Variants in CFAP44 observed in about 807,000 individuals in gnomAD.
The protein encoded by CFAP44 is cilia- and flagella-associated protein 44.
Under a neutral mutation model 216.2 loss-of-function variants are expected in CFAP44, and 134 were observed. The ratio of observed to expected loss-of-function variants is 0.62; its 90% CI spans 0.54 to 0.72. CFAP44 has a LOEUF of 0.72. Ranked by LOEUF, CFAP44 falls within the 30% of genes least tolerant of loss-of-function variation. CFAP44 has a pLI of 0.00. For missense variants in CFAP44, 2,035 were observed against 2,182.1 expected, an observed-to-expected ratio of 0.93 and a Z score of 1.34; for synonymous variants, 700 against 727.6, an observed-to-expected ratio of 0.96 and a Z score of 0.61.
intron 28 of CFAP44, among the ~76,000 whole-genome samples, chr3:113,311,354 G>A (rs1245958635): frequency 6.6e-6 from 1 of 152,202 alleles, no homozygotes; most frequent in East Asian, 1.9e-4. Context: ...GGGACCTGGT[G>A]GGAAATAATT....
At chr3:113,434,560 A>G (rs1935190353) in intron 1 of CFAP44, 1 of 152,200 alleles carries the variant, frequency 6.6e-6, no homozygotes. Flanking sequence ...CCCTCTGTCT[A>G]TAATGCAGCT....
intron 24 of CFAP44, among the ~76,000 whole-genome samples, chr3:113,337,373 A>C (rs1170364377): frequency 6.6e-6 from 1 of 152,108 alleles, no homozygotes; most frequent in East Asian, 1.9e-4. Flanking sequence ...AAAGATACAA[A>C]TTCTCCCCAA....
chr3:113,334,689 G>A (rs910639157), intron 24 of CFAP44, among the ~76,000 whole-genome samples: 2 of 151,990 alleles, frequency 1.3e-5, no homozygotes, highest in Admixed American at 1.3e-4. Context: ...TAAACCAGTT[G>A]GGCCCTCCCA....
chr3:113,303,964 G>GTC lies in CFAP44; in HGVS notation c.5027_5028dup (p.Arg1677AspfsTer12), dbSNP rs1367951448. 6.5e-7 allele frequency: 1 copy of GTC among 1,537,544 alleles called. No homozygotes were observed. Among genetic ancestry groups the GTC allele is most frequent in the Non-Finnish European group, 8.7e-7 (1 of 1,147,008 alleles). ...CTCTTTTCTCGGATGAGCTGTTTAC[G>GTC]TCTCTCTCTCCATTCTTTGTTAAGT... On this transcript the variant is annotated frameshift_variant, in exon 32 of 35. Transcript: ENST00000393845. LOFTEE classifies it high-confidence loss of function.
chr3:113,419,922 T>C, intron 5 of CFAP44, 95 bp downstream of exon 5: 7 of 1,298,776 alleles, frequency 5.4e-6, no homozygotes, highest in East Asian at 2.3e-5. Context: ...ATACTGTGCA[T>C]GGTGTTGGCA....
At chr3:113,439,744 C>T (rs1046027381) in intron 1 of CFAP44, among the ~76,000 whole-genome samples, 1 of 152,156 alleles carries the variant, frequency 6.6e-6, no homozygotes, top group Admixed American at 6.5e-5. Flanking sequence ...AGAAGGTTGG[C>T]TAGACGCCAG....
rs1457217745 is a variant in CFAP44 at position 113,330,540 on chromosome 3, G to A, written c.3744C>T (p.Ser1248=). The change falls in exon 26 of 35, where the codon TCC becomes TCT. Residue 1248 remains serine (S), a synonymous_variant. Coordinates refer to ENST00000393845, the MANE Select transcript of CFAP44 (RefSeq NM_001164496.2). ...GAATTTTGGGAATGGGTATGTGCTT[G>A]GATATGTGAAGAGTCGACTGAATGT... ...LKNIQSTLHI[S]KHIPIPKIPQ... is the part of the protein sequence containing the mutation. The A allele has an allele frequency of 3.9e-6, 6 of 1,537,086 alleles. No homozygotes were observed. The highest frequency in any genetic ancestry group is 1.4e-5 in the African/African-American group (1 of 73,018).
At position 113,288,101 on chromosome 3, in the gene CFAP44, C is replaced by T. The variant is rs1949792233; in HGVS notation, c.*3456G>A. 1 of 152,132 alleles carries T rather than the reference C, an allele frequency of 6.6e-6. No homozygotes were observed. Among genetic ancestry groups the T allele is most frequent in the African/African-American group, 2.4e-5 (1 of 41,426 alleles). 9.4% of individuals were successfully genotyped at this position (152,132 alleles called of 1,614,324 possible). The stretch of plus-strand genomic sequence containing the variant: ...AGAGGGTGGGGGGAGCCTGTATTTT[C>T]TAGATTTCTGTAAAATTGAGTTACA... On this transcript the variant is annotated 3_prime_UTR_variant, in exon 35 of 35. Coordinates refer to ENST00000393845, the MANE Select transcript of CFAP44 (RefSeq NM_001164496.2).
At chr3:113,354,703 C>A (rs1390803542) in intron 22 of CFAP44, among the ~76,000 whole-genome samples, 1 of 152,168 alleles carries the variant, frequency 6.6e-6, no homozygotes, top group Non-Finnish European at 1.5e-5. Flanking sequence ...TCTCTACCTA[C>A]CCTGGTAGCT....
At chr3:113,318,256 T>C (rs1428009808) in intron 28 of CFAP44, among the ~76,000 whole-genome samples, 1 of 151,990 alleles carries the variant, frequency 6.6e-6, no homozygotes, top group Non-Finnish European at 1.5e-5. Context: ...AAAACCGAAC[T>C]CCTAGAGCTA....
intron 12 of CFAP44, 138 bp downstream of exon 12, chr3:113,400,407 A>G: frequency 1.6e-6 from 1 of 641,182 alleles, no homozygotes; most frequent in Non-Finnish European, 2.4e-6. Flanking sequence ...TCCTCTCCAC[A>G]GCTCAACTCG....
At chr3:113,312,418 A>C (rs1443302392) in intron 28 of CFAP44, among the ~76,000 whole-genome samples, 2 of 151,950 alleles carry the variant, frequency 1.3e-5, no homozygotes, top group African/African-American at 4.8e-5. Context: ...AACAGAGCAT[A>C]AAAGTTTGGA....
In CFAP44 at chr3:113,326,599, CTTT is replaced by C; in HGVS notation, c.4359_4361del (p.Lys1454del). 1 of 1,524,442 alleles carries C rather than the reference CTTT, an allele frequency of 6.6e-7. No homozygotes were observed. The highest frequency in any genetic ancestry group is 1.2e-5 in the South Asian group (1 of 80,024). The allele number at this position is 1,524,442 out of a possible 1,614,324, so 94.4% of individuals were successfully genotyped here. A position where few individuals can be genotyped will look rare whatever the true frequency, so the allele number is the denominator to read the frequency against. ...GCTCCTGGAGTTTGGTGATTTCATT[CTTT>C]TTCTCTTCCATCTCTTTAAGAGTTT... On this transcript the variant is annotated inframe_deletion, in exon 28 of 35. Coordinates refer to ENST00000393845, the MANE Select transcript of CFAP44 (RefSeq NM_001164496.2).
At chr3:113,374,623 T>G (rs1187583530) in intron 17 of CFAP44, among the ~76,000 whole-genome samples, 1 of 152,018 alleles carries the variant, frequency 6.6e-6, no homozygotes, top group African/African-American at 2.4e-5. Flanking sequence ...GTGGGAACAA[T>G]CCAAGTGTCT....
intron 28 of CFAP44, among the ~76,000 whole-genome samples, chr3:113,321,604 T>C (rs1950146856): frequency 6.6e-6 from 1 of 152,240 alleles, no homozygotes; most frequent in African/African-American, 2.4e-5. Flanking sequence ...GATATGATTC[T>C]ATACTTAGAA....
At chr3:113,299,566 A>G (rs1177300549) in intron 32 of CFAP44, among the ~76,000 whole-genome samples, 1 of 152,226 alleles carries the variant, frequency 6.6e-6, no homozygotes, top group Non-Finnish European at 1.5e-5. Context: ...TGCTAGATAA[A>G]TACCCAAAAG....
chr3:113,310,104 T>G (rs1174252940), intron 28 of CFAP44, among the ~76,000 whole-genome samples: 2 of 152,054 alleles, frequency 1.3e-5, no homozygotes, highest in African/African-American at 4.8e-5. Flanking sequence ...CTGGATGGTG[T>G]TAGAGAAGGG....
At chr3:113,319,220 A>G (rs1302361484) in intron 28 of CFAP44, among the ~76,000 whole-genome samples, 1 of 152,236 alleles carries the variant, frequency 6.6e-6, no homozygotes, top group African/African-American at 2.4e-5. Flanking sequence ...CCATTGGCTC[A>G]AAGTGAAAGG....
At chr3:113,422,903 CT>C (rs936808121) in intron 4 of CFAP44, among the ~76,000 whole-genome samples, 1 of 152,112 alleles carries the variant, frequency 6.6e-6, no homozygotes, top group African/African-American at 2.4e-5. Context: ...ATAAAAGGCT[CT>C]TTCAAACCCA....
Sources: gnomAD v4.1 joint callset for allele counts (sites outside exome capture counted in the v4.1 genomes callset) on GRCh38, gnomAD v4.1.1 for gene constraint, MANE v1.5 for transcripts, NCBI Gene and HGNC (gene_info 2026-07-23, HGNC 2026-07-21) for gene names.